Variants in SMARCA2 observed in about 807,000 individuals in gnomAD.
SMARCA2 encodes the protein SWI/SNF-related matrix-associated actin-dependent regulator of chromatin subfamily A member 2.
Under a neutral mutation model 199.8 loss-of-function variants are expected in SMARCA2, and 61 were observed. The ratio of observed to expected loss-of-function variants is 0.31; its 90% CI spans 0.25 to 0.38. The LOEUF (loss-of-function observed/expected upper bound fraction) is 0.38. Among genes scored for constraint, SMARCA2 ranks in the 10% least tolerant of loss-of-function variants. SMARCA2 has a pLI of 1.00. For synonymous variants in SMARCA2, 935 were observed against 732.0 expected (o/e 1.28, Z -4.48); for missense variants, 1,344 against 2,012.2 (o/e 0.67, Z 6.35).
chr9:2,042,961 G>C (rs893959977), intron 4 of SMARCA2: 7 of 152,138 alleles, frequency 4.6e-5, no homozygotes, highest in South Asian at 2.1e-4. Context: ...TTTCATTAGA[G>C]AAACAGATAA....
At chr9:2,160,155 C>T in intron 27 of SMARCA2, 1 of 508,290 alleles carries the variant, frequency 2.0e-6, no homozygotes, top group Non-Finnish European at 3.5e-6. Flanking sequence ...GTGTGTTTAG[C>T]TGTATAGTGG....
intron 17 of SMARCA2, among the ~76,000 whole-genome samples, chr9:2,084,583 T>C (rs1821718634): frequency 6.6e-6 from 1 of 152,206 alleles, no homozygotes; most frequent in South Asian, 2.1e-4. Context: ...ATATTGTCAG[T>C]GTACCTTCAT....
chr9:2,093,043 G>A (rs1044389747), intron 19 of SMARCA2, among the ~76,000 whole-genome samples: 3 of 152,162 alleles, frequency 2.0e-5, no homozygotes, highest in Admixed American at 1.3e-4. Flanking sequence ...TGCCTGCTCT[G>A]TACGTTATAC....
At chr9:2,189,516 CTT>C (rs1362423046) in intron 32 of SMARCA2, among the ~76,000 whole-genome samples, 61 of 152,134 alleles carry the variant, frequency 4.0e-4, no homozygotes, top group Non-Finnish European at 1.0e-4. Flanking sequence ...ACATATTTCA[CTT>C]TGTCTTTCCA....
intron 5 of SMARCA2, among the ~76,000 whole-genome samples, chr9:2,049,182 T>C (rs186397145): frequency 6.6e-6 from 1 of 152,350 alleles, no homozygotes; most frequent in Admixed American, 6.5e-5. Context: ...CTAGACTTCT[T>C]TCCCTTATTC....
intron 31 of SMARCA2, 150 bp from the exon 32 acceptor site, chr9:2,185,946 T>G: frequency 1.4e-6 from 1 of 727,944 alleles, no homozygotes; most frequent in Non-Finnish European, 2.3e-6. Flanking sequence ...GCTTGGCGTT[T>G]TGCTACTGGG....
rs3829070 is a variant in SMARCA2 at position 2,123,639 on chromosome 9, T to C, written c.3763-80T>C. The C allele has an allele frequency of 0.17, 207,906 of 1,244,436 alleles. 26,125 individuals carry two copies. The highest frequency in any genetic ancestry group is 0.58 in the East Asian group (24,145 of 41,936). The allele number at this position is 1,244,436 out of a possible 1,614,324, so 77.1% of individuals were successfully genotyped here. On this transcript the variant is annotated intron_variant, in intron 26 of 33. Coordinates refer to ENST00000349721, the MANE Select transcript of SMARCA2 (RefSeq NM_003070.5). The surrounding 1 kb of genome is among the most constrained non-coding windows in gnomAD (Gnocchi z 4.1). ...GACCCTGCAGCCATAGGAAGTGACT[T>C]GGGGAAGTTGTGTAGTGCTGGGAAG...
At chr9:2,100,211 A>G (rs571282956) in intron 21 of SMARCA2, among the ~76,000 whole-genome samples, 1 of 152,236 alleles carries the variant, frequency 6.6e-6, no homozygotes, top group Non-Finnish European at 1.5e-5. Context: ...GGAGAAATGC[A>G]TGGAGAACAG....
intron 27 of SMARCA2, chr9:2,159,973 G>T: frequency 6.4e-7 from 1 of 1,558,870 alleles, no homozygotes; most frequent in Non-Finnish European, 8.7e-7. Flanking sequence ...GCATGTGTAG[G>T]TGTGTAACAC....
intron 18 of SMARCA2, among the ~76,000 whole-genome samples, chr9:2,087,941 A>T (rs1821870939): frequency 6.6e-6 from 1 of 152,186 alleles, no homozygotes; most frequent in African/African-American, 2.4e-5. Context: ...AATGTATAAG[A>T]TGGACTAAAC....
chr9:2,045,826 G>GACACACAC (rs60571405), intron 4 of SMARCA2: 10,510 of 145,958 alleles, frequency 0.072, 395 homozygotes, highest in Middle Eastern at 0.11. Context: ...TAACATCACA[G>GACACACAC]ACACACACAC....
At position 2,170,293 on chromosome 9, in the gene SMARCA2, T is replaced by C. The variant is rs570562428; in HGVS notation, c.4200-126T>C. Reference sequence around the variant, plus strand: ...GTTCCAAACATAACCCCGTGTAATCTTCCTAACAAGGCAGGTTGGTGAGGA... The same window carrying C: ...GTTCCAAACATAACCCCGTGTAATCCTCCTAACAAGGCAGGTTGGTGAGGA... On this transcript the variant is annotated intron_variant, in intron 28 of 33. Coordinates refer to ENST00000349721, the MANE Select transcript of SMARCA2 (RefSeq NM_003070.5). The surrounding 1 kb of genome is among the most constrained non-coding windows in gnomAD (Gnocchi z 4.7). 22 of 1,179,872 alleles carry C rather than the reference T, an allele frequency of 1.9e-5. No homozygotes were observed. The East Asian group carries it at 5.1e-4, about 27-fold the overall frequency. 73.1% of individuals were successfully genotyped at this position (1,179,872 alleles called of 1,614,324 possible).
chr9:2,181,442 C>T, intron 29 of SMARCA2, 129 bp from the exon 30 acceptor site: 2 of 620,834 alleles, frequency 3.2e-6, no homozygotes, highest in South Asian at 1.7e-5. Flanking sequence ...TTTTTCCTGA[C>T]TTAAAAAGCT....
At chr9:2,171,956 G>A (rs1455925679) in intron 29 of SMARCA2, among the ~76,000 whole-genome samples, 1 of 152,222 alleles carries the variant, frequency 6.6e-6, no homozygotes, top group East Asian at 1.9e-4. Context: ...TGACATGACG[G>A]TATATGGTTA....
intron 22 of SMARCA2, 29 bp from the exon 23 acceptor site, chr9:2,103,971 GTCT>G: frequency 1.9e-6 from 3 of 1,607,646 alleles, no homozygotes; most frequent in Non-Finnish European, 2.6e-6. Context: ...AAGTAATACT[GTCT>G]TCTTGTTTTT....
At chr9:2,112,901 T>A (rs913656372) in intron 24 of SMARCA2, among the ~76,000 whole-genome samples, 5 of 152,194 alleles carry the variant, frequency 3.3e-5, no homozygotes, top group Admixed American at 2.6e-4. Flanking sequence ...CGTCAAAATA[T>A]CTTCTACATA....
At position 2,163,745 on chromosome 9, in the gene SMARCA2, T is replaced by C. The variant is rs532915124; in HGVS notation, c.4199+1842T>C. 3.0e-4 allele frequency among the ~76,000 whole-genome samples: 45 copies of C among 152,294 alleles called. No individual in the cohort carries two copies. In the South Asian group the frequency reaches 6.4e-3, roughly 22 times the overall value. ...TTGCTGAGTGAGTCAAGGGCTGTTA[T>C]AACACTGAGAAGGGCCAGGAAAGTC... On this transcript the variant is annotated intron_variant, in intron 28 of 33. Coordinates refer to ENST00000349721, the MANE Select transcript of SMARCA2 (RefSeq NM_003070.5).
chr9:2,126,772 T>G (rs541862763), intron 27 of SMARCA2, among the ~76,000 whole-genome samples: 2 of 152,364 alleles, frequency 1.3e-5, no homozygotes, highest in East Asian at 3.9e-4. Flanking sequence ...ATCCCTTGCT[T>G]AAATCACATT....
intron 27 of SMARCA2, among the ~76,000 whole-genome samples, chr9:2,139,775 C>A (rs182598236): frequency 6.6e-6 from 1 of 152,152 alleles, no homozygotes; most frequent in Non-Finnish European, 1.5e-5. Flanking sequence ...GGGGAAGTCA[C>A]AAATCTTGTA....
Sources: gnomAD v4.1 joint callset for allele counts (sites outside exome capture counted in the v4.1 genomes callset) on GRCh38, gnomAD v4.1.1 for gene constraint, Gnocchi (gnomAD v3.1) non-coding constraint, MANE v1.5 for transcripts, NCBI Gene and HGNC (gene_info 2026-07-23, HGNC 2026-07-21) for gene names.